RYR2: variants seen among roughly 807,000 people sequenced by gnomAD.
The protein encoded by RYR2 is cardiac muscle ryanodine receptor-calcium release channel.
A neutral mutation model predicts 601.1 loss-of-function variants in RYR2; 227 were observed. The ratio of observed to expected loss-of-function variants is 0.38; its 90% CI spans 0.34 to 0.42. The LOEUF is 0.42. RYR2 is among the 10% of genes least tolerant of loss of function. The pLI is 1.00. For synonymous variants in RYR2, 2,223 were observed against 2,175.1 expected, an observed-to-expected ratio of 1.02 and a Z score of -0.61; for missense variants, 4,646 against 6,156.5, an observed-to-expected ratio of 0.75 and a Z score of 8.21.
chr1:237,554,266 T>A (rs1670674901), intron 27 of RYR2, among the ~76,000 whole-genome samples: 1 of 151,926 alleles, frequency 6.6e-6, no homozygotes, highest in South Asian at 2.1e-4. Flanking sequence ...TGTATTTTTC[T>A]CCTGTATTCT....
At chr1:237,362,342 T>C (rs1021275917) in intron 4 of RYR2, among the ~76,000 whole-genome samples, 1 of 152,208 alleles carries the variant, frequency 6.6e-6, no homozygotes, top group East Asian at 1.9e-4. Context: ...AAATTTTAGC[T>C]CTTGTCTATT....
rs1361527318 is a variant in RYR2, at chr1:237,610,738, T to C, written c.4684-24T>C. 1 of 1,554,036 alleles carries C rather than the reference T, an allele frequency of 6.4e-7. No individual in the cohort carries two copies. On this transcript the variant is annotated intron_variant, in intron 35 of 104. Transcript: ENST00000366574. The surrounding 1 kb of genome is among the most constrained non-coding windows in gnomAD (Gnocchi z 4.9). ...CCCAAGGGATGTTCTACATTTATTC[T>C]TTTTCTGCCTCCCCATCCGCTAGAA...
chr1:237,112,726 T>G (rs1669633695), intron 1 of RYR2, among the ~76,000 whole-genome samples: 1 of 152,198 alleles, frequency 6.6e-6, no homozygotes. Context: ...GCTCCACTTT[T>G]GTTTGATTTA....
At chr1:237,250,772 A>T (rs1687381806) in intron 1 of RYR2, among the ~76,000 whole-genome samples, 1 of 152,128 alleles carries the variant, frequency 6.6e-6, no homozygotes, top group South Asian at 2.1e-4. Context: ...TGCCCAAATC[A>T]CTAACTTCTT....
At chr1:237,580,117 G>T (rs1358989264) in intron 29 of RYR2, among the ~76,000 whole-genome samples, 1 of 149,780 alleles carries the variant, frequency 6.7e-6, no homozygotes, top group African/African-American at 2.5e-5. Context: ...CTCTGCTTCT[G>T]CTTGGCTCCT....
At position 237,493,014 on chromosome 1, in the gene RYR2, C is replaced by A. The variant is rs1195734687; in HGVS notation, c.1888C>A (p.His630Asn). The change falls in exon 19 of 105, where the codon CAT (histidine) becomes AAT (asparagine). Residue 630 changes from histidine to asparagine, a missense_variant. Physicochemically the swap from His to Asn is moderately conservative, Grantham distance 68. Coordinates refer to ENST00000366574, the MANE Select transcript of RYR2 (RefSeq NM_001035.3). Reference protein sequence around the residue: ...CHGVAVRSNQHLICDNLLPGR... With the variant: ...CHGVAVRSNQNLICDNLLPGR... ...CGGGGTTGCAGTCCGTTCTAACCAG[C>A]ATCTCATCTGTGACAATCTCCTACC... 2 of 1,612,016 alleles carry A rather than the reference C, an allele frequency of 1.2e-6. No homozygotes were observed. The highest frequency in any genetic ancestry group is 2.7e-5 in the African/African-American group (2 of 74,878).
At position 237,590,783 on chromosome 1, in the gene RYR2, G is replaced by C. The variant is rs372097270; in HGVS notation, c.3951G>C (p.Thr1317=). ...PIECAEVFSK[T]VAGGLPGAGL... Reference sequence around the variant, plus strand: ...AGTGCGCGGAGGTCTTCTCCAAGACGGTGGCTGGAGGGCTCCCTGGGGCTG... The same window carrying C: ...AGTGCGCGGAGGTCTTCTCCAAGACCGTGGCTGGAGGGCTCCCTGGGGCTG... The change falls in exon 31 of 105, where the codon ACG becomes ACC. Residue 1317 remains threonine, a synonymous_variant. Transcript: ENST00000366574. The C allele has an allele frequency of 1.2e-6, 2 of 1,613,762 alleles. No individual in the cohort carries two copies. The highest frequency in any genetic ancestry group is 1.7e-6 in the Non-Finnish European group (2 of 1,179,872).
intron 2 of RYR2, among the ~76,000 whole-genome samples, chr1:237,327,200 T>C (rs1168306317): frequency 1.3e-5 from 2 of 152,130 alleles, no homozygotes; most frequent in Non-Finnish European, 2.9e-5. Flanking sequence ...TTTGTGTGTG[T>C]AGGGGGAGCT....
At chr1:237,361,267 T>C (rs1357270820) in intron 4 of RYR2, among the ~76,000 whole-genome samples, 2 of 152,216 alleles carry the variant, frequency 1.3e-5, no homozygotes, top group African/African-American at 4.8e-5. Context: ...ATTGGGACTA[T>C]CATTAATTAA....
rs141962001 is a variant in RYR2 at position 237,820,187 on chromosome 1, CAAAA to C, written c.14590+1012_14590+1015del. Among the ~76,000 whole-genome samples the C allele has an allele frequency of 1.8e-3, 125 of 71,344 alleles. 1 individual carries two copies. Among genetic ancestry groups the C allele is most frequent in the Admixed American group, 5.8e-3 (36 of 6,214 alleles). 46.8% of individuals were successfully genotyped at this position (71,344 alleles called of 152,430 possible). A position where few individuals can be genotyped will look rare whatever the true frequency, so the allele number is the denominator to read the frequency against. ...GGGTGACAAGAGCAAAACTCCATCT[CAAAA>C]AAAAAAAAAAAAAAAAGGTGGGGGA... On this transcript the variant is annotated intron_variant, in intron 101 of 104. Coordinates refer to ENST00000366574, the MANE Select transcript of RYR2 (RefSeq NM_001035.3).
At chr1:237,096,980 C>A (rs1422063154) in intron 1 of RYR2, among the ~76,000 whole-genome samples, 15 of 152,154 alleles carry the variant, frequency 9.9e-5, no homozygotes. Context: ...GTGCAGTCGC[C>A]CATGTGATTT....
chr1:237,659,887 AG>A, intron 54 of RYR2, 97 bp from the exon 55 acceptor site: 2 of 671,166 alleles, frequency 3.0e-6, no homozygotes, highest in Non-Finnish European at 4.9e-6. Flanking sequence ...AGTTCATTTT[AG>A]GTTTATTTTA....
Position 237,717,267 on chromosome 1 carries a change from C to T in RYR2, c.10393C>T (p.Leu3465=). The T allele has an allele frequency of 1.2e-6, 2 of 1,613,652 alleles. No individual in the cohort carries two copies. Among genetic ancestry groups the T allele is most frequent in the Non-Finnish European group, 1.7e-6 (2 of 1,179,666 alleles). The change falls in exon 72 of 105, where the codon CTG becomes TTG. Residue 3465 remains leucine (L), a synonymous_variant. Transcript: ENST00000366574. ...AGATCGGTATTCCATGCAGACCTCT[C>T]TGATTGTAGCAGCTCTGAAGCGGTT... ...KGDRYSMQTS[L]IVAALKRLLP...
At chr1:237,435,890 A>T (rs982166432) in intron 12 of RYR2, among the ~76,000 whole-genome samples, 1 of 152,072 alleles carries the variant, frequency 6.6e-6, no homozygotes, top group Non-Finnish European at 1.5e-5. Context: ...GCTTAATGAG[A>T]TTGTGAGGGC....
intron 1 of RYR2, among the ~76,000 whole-genome samples, chr1:237,226,746 A>G (rs1459801502): frequency 6.6e-6 from 1 of 152,096 alleles, no homozygotes; most frequent in Non-Finnish European, 1.5e-5. Context: ...TAGGGAAGAC[A>G]TATGTGTCAC....
chr1:237,552,436 G>A (rs2805456), intron 27 of RYR2, among the ~76,000 whole-genome samples: 100,459 of 151,910 alleles, frequency 0.66, 33,516 homozygotes, highest in East Asian at 0.71. Context: ...GTACACATCT[G>A]AAGTGTTCAG....
chr1:237,785,160 C>G (rs763119503), intron 90 of RYR2, among the ~76,000 whole-genome samples, 188 bp downstream of exon 90: 2 of 152,136 alleles, frequency 1.3e-5, no homozygotes, highest in Non-Finnish European at 1.5e-5. Flanking sequence ...ATTAAATTAT[C>G]TTAAACTATT....
rs537866349 is a variant in RYR2, at chr1:237,099,569, T to C, written c.48+57000T>C. On this transcript the variant is annotated intron_variant, in intron 1 of 104. Transcript: ENST00000366574. ...TAGCCTCTTTGACAGCTCTTTGCCA[T>C]TGGTTGCAAGATGAATCCAAGGGGA... 8.5e-5 allele frequency among the ~76,000 whole-genome samples: 13 copies of C among 152,284 alleles called. No individual in the cohort carries two copies. The East Asian group carries it at 2.3e-3, about 27-fold the overall frequency.
chr1:237,800,142 A>ATAAC (rs1159185628), intron 97 of RYR2: 1 of 152,232 alleles, frequency 6.6e-6, no homozygotes, highest in Non-Finnish European at 1.5e-5. Context: ...GAGATGGAAA[A>ATAAC]TAACTCATAA....
Sources: gnomAD v4.1 joint callset for allele counts (sites outside exome capture counted in the v4.1 genomes callset) on GRCh38, gnomAD v4.1.1 for gene constraint, Gnocchi (gnomAD v3.1) non-coding constraint, MANE v1.5 for transcripts, NCBI Gene and HGNC (gene_info 2026-07-23, HGNC 2026-07-21) for gene names.